OTC: variants seen among roughly 807,000 people sequenced by gnomAD.
OTC encodes the protein ornithine transcarbamylase, mitochondrial.
A neutral mutation model predicts 30.3 loss-of-function variants in OTC; 3 were observed. The ratio of observed to expected loss-of-function variants is 0.10; its 90% CI spans 0.05 to 0.26. OTC has a LOEUF of 0.26. Ranked by LOEUF, OTC falls within the 10% of genes least tolerant of loss-of-function variation. OTC has a pLI of 1.00. For synonymous variants in OTC, 111 were observed against 99.7 expected, an observed-to-expected ratio of 1.11 and a Z score of -0.67; for missense variants, 194 against 260.3, an observed-to-expected ratio of 0.75 and a Z score of 1.75.
intron 4 of OTC, among the ~76,000 whole-genome samples, chrX:38,395,037 G>C (rs1438403163): frequency 1.8e-5 from 2 of 110,847 alleles, no homozygotes; most frequent in African/African-American, 3.3e-5. Context: ...TAGTGGCATG[G>C]TCTTGGCTCA....
At chrX:38,415,579 G>A (rs1268688199) in intron 9 of OTC, among the ~76,000 whole-genome samples, 1 of 110,897 alleles carries the variant, frequency 9.0e-6, no homozygotes, top group South Asian at 3.9e-4. Flanking sequence ...CAGGCCAGGC[G>A]CACTGGCTCA....
At chrX:38,417,133 A>G (rs1044513261) in intron 9 of OTC, among the ~76,000 whole-genome samples, 1 of 111,830 alleles carries the variant, frequency 8.9e-6, no homozygotes, top group Non-Finnish European at 1.9e-5. Flanking sequence ...CTGTCCCCCT[A>G]CTATAATGAA....
intron 4 of OTC, among the ~76,000 whole-genome samples, chrX:38,389,666 C>T (rs770584666): frequency 3.6e-5 from 4 of 110,736 alleles, no homozygotes; most frequent in African/African-American, 6.6e-5. Context: ...CAGTCTCTCA[C>T]ACCATGAACA....
rs371075231 is a variant in OTC at position 38,381,418 on chromosome X, G to A, written c.375G>A (p.Thr125=). The A allele has an allele frequency of 2.1e-5, 25 of 1,175,584 alleles. No homozygotes were observed. Among genetic ancestry groups the A allele is most frequent in the African/African-American group, 1.2e-4 (7 of 56,339 alleles). The change falls in exon 4 of 10, where the codon ACG becomes ACA. Residue 125 remains threonine (T), a synonymous_variant. Coordinates refer to ENST00000039007, the MANE Select transcript of OTC (RefSeq NM_000531.6). The part of the protein sequence containing the change: ...DIHLGVNESL[T]DTARVLSSMA... ...ATTTGGGTGTGAATGAAAGTCTCAC[G>A]GACACGGCCCGGTTTGTAAATATTT...
intron 1 of OTC, among the ~76,000 whole-genome samples, chrX:38,363,195 G>A (rs1257303026): frequency 1.8e-5 from 2 of 112,028 alleles, no homozygotes; most frequent in Non-Finnish European, 1.9e-5. Context: ...GTTGATGGAT[G>A]TGAGTTCAAC....
intron 1 of OTC, among the ~76,000 whole-genome samples, chrX:38,364,322 G>T (rs961328607): frequency 2.7e-5 from 3 of 111,360 alleles, no homozygotes; most frequent in African/African-American, 9.8e-5. Context: ...AAAAGTTGAG[G>T]ACCACTGCTT....
At chrX:38,407,473 T>C (rs1299723700) in intron 6 of OTC, among the ~76,000 whole-genome samples, 2 of 111,826 alleles carry the variant, frequency 1.8e-5, no homozygotes, top group East Asian at 2.8e-4. Context: ...TCATAATCAA[T>C]GCTAAGAACT....
the OTC span, among the ~76,000 whole-genome samples, chrX:38,338,440 G>A: frequency 2.7e-5 from 3 of 112,083 alleles, no homozygotes; most frequent in Non-Finnish European, 5.6e-5. Context: ...TTTTCCCTGA[G>A]AGTCAGTTGC....
intron 7 of OTC, 27 bp from the exon 8 acceptor site, chrX:38,408,849 T>C: frequency 8.3e-7 from 1 of 1,210,590 alleles, no homozygotes; most frequent in Non-Finnish European, 1.1e-6. Flanking sequence ...CATGAAGTTA[T>C]TTAACCAGCG....
chrX:38,377,881 T>A (rs2068356882), intron 3 of OTC, among the ~76,000 whole-genome samples: 1 of 110,958 alleles, frequency 9.0e-6, no homozygotes, highest in South Asian at 3.9e-4. Flanking sequence ...TCTCTCGCCC[T>A]GGCTGCAGTG....
chrX:38,338,618 A>G, the OTC span, among the ~76,000 whole-genome samples: 1 of 112,558 alleles, frequency 8.9e-6, no homozygotes, highest in Non-Finnish European at 1.9e-5. Context: ...AACAAGATCA[A>G]CCATGTTTAT....
chrX:38,406,534 C>A (rs1049580570), intron 6 of OTC, among the ~76,000 whole-genome samples: 8 of 111,394 alleles, frequency 7.2e-5, no homozygotes, highest in African/African-American at 2.3e-4. Context: ...CTAAGTCATG[C>A]CTCAGTGCAT....
intron 1 of OTC, among the ~76,000 whole-genome samples, chrX:38,360,021 G>T (rs1351330284): frequency 9.3e-6 from 1 of 107,165 alleles, no homozygotes; most frequent in Non-Finnish European, 1.9e-5. Context: ...GGGTTTCAGC[G>T]ATTCTCCTGC....
At chrX:38,353,553 G>A (rs1441704162) in intron 1 of OTC, among the ~76,000 whole-genome samples, 1 of 111,444 alleles carries the variant, frequency 9.0e-6, no homozygotes, top group East Asian at 2.8e-4. Context: ...CAACCTTCCC[G>A]ACTTCCTTAA....
At chrX:38,371,462 C>A (rs1295086453) in intron 3 of OTC, among the ~76,000 whole-genome samples, 1 of 111,922 alleles carries the variant, frequency 8.9e-6, no homozygotes, top group African/African-American at 3.3e-5. Context: ...CAAACAAAAA[C>A]ATATTGGTTG....
rs759424912 is a variant in OTC at position 38,403,604 on chromosome X, C to A, written c.541-14C>A. 17 of 1,209,168 alleles carry A rather than the reference C, an allele frequency of 1.4e-5. No individual in the cohort carries two copies. The highest frequency in any genetic ancestry group is 1.9e-5 in the Non-Finnish European group (17 of 893,070). On this transcript the variant is annotated splice_polypyrimidine_tract_variant and intron_variant, in intron 5 of 9. Coordinates refer to ENST00000039007, the MANE Select transcript of OTC (RefSeq NM_000531.6). ...TACGCCTGGATTTCATCTCCTTCAT[C>A]CCGTGCCTTTTAGGAACACTATAGC...
At chrX:38,354,942 A>G (rs189180175) in intron 1 of OTC, among the ~76,000 whole-genome samples, 1 of 111,298 alleles carries the variant, frequency 9.0e-6, no homozygotes, top group East Asian at 2.8e-4. Context: ...TGCCTGTTCT[A>G]TATTTTTGCT....
the OTC span, among the ~76,000 whole-genome samples, chrX:38,328,584 A>G: frequency 8.9e-6 from 1 of 112,036 alleles, no homozygotes; most frequent in Non-Finnish European, 1.9e-5. Flanking sequence ...GACTCTTTCC[A>G]GGAACACCAA....
chrX:38,341,512 T>A, the OTC span, among the ~76,000 whole-genome samples: 2 of 112,209 alleles, frequency 1.8e-5, no homozygotes, highest in African/African-American at 6.5e-5. Context: ...CCATGTCCCC[T>A]GTTGCTTTGA....
Sources: gnomAD v4.1 joint callset for allele counts (sites outside exome capture counted in the v4.1 genomes callset) on GRCh38, gnomAD v4.1.1 for gene constraint, MANE v1.5 for transcripts, NCBI Gene and HGNC (gene_info 2026-07-23, HGNC 2026-07-21) for gene names.